The following EDIL3 variants were observed in gnomAD, a reference collection of about 807,000 sequenced individuals.
The protein encoded by EDIL3 is EGF like and discoidin domains 3, also known as EGF-like repeat and discoidin I-like domain-containing protein 3.
EDIL3 carries 37 observed loss-of-function variants against 67.4 expected under a neutral mutation model. That is an observed-to-expected ratio of 0.55 (90% CI 0.42 to 0.72). EDIL3 has a LOEUF of 0.72. Among genes scored for constraint, EDIL3 ranks in the 30% least tolerant of loss-of-function variants. EDIL3 has a pLI of 0.00. For missense variants in EDIL3, 527 were observed against 586.3 expected (o/e 0.90, Z 1.04); for synonymous variants, 195 against 196.3 (o/e 0.99, Z 0.05).
At position 84,064,924 on chromosome 5, in the gene EDIL3, T is replaced by C. The variant is rs542648660; in HGVS notation, c.808-80A>G. On this transcript the variant is annotated intron_variant, in intron 7 of 10. Transcript: ENST00000296591. ...ACATATTTACCCTATCTATACCTTA[T>C]CGAAAATAATTGTTCGAAGAACAGA... 7.0e-6 allele frequency: 10 copies of C among 1,431,150 alleles called. No homozygotes were observed. The African/African-American group carries it at 1.0e-4, about 14-fold the overall frequency. 88.7% of individuals were successfully genotyped at this position (1,431,150 alleles called of 1,614,324 possible).
intron 9 of EDIL3, among the ~76,000 whole-genome samples, chr5:83,966,375 A>G (rs1293320612): frequency 6.6e-6 from 1 of 152,076 alleles, no homozygotes; most frequent in African/African-American, 2.4e-5. Flanking sequence ...GAACCAGTTC[A>G]TGGCTATGAA....
intron 9 of EDIL3, among the ~76,000 whole-genome samples, chr5:84,035,044 A>T (rs1028556267): frequency 2.6e-5 from 4 of 152,084 alleles, no homozygotes; most frequent in African/African-American, 9.7e-5. Context: ...ATGTTTTTTT[A>T]AAATTGAGAT....
At chr5:84,062,505 T>A (rs1746564899) in intron 8 of EDIL3, among the ~76,000 whole-genome samples, 1 of 152,094 alleles carries the variant, frequency 6.6e-6, no homozygotes, top group Non-Finnish European at 1.5e-5. Flanking sequence ...TTATATCCAT[T>A]CTGTTGTCTA....
intron 1 of EDIL3, among the ~76,000 whole-genome samples, chr5:84,302,878 T>G (rs1047824569): frequency 2.6e-5 from 4 of 152,226 alleles, no homozygotes; most frequent in African/African-American, 9.6e-5. Flanking sequence ...GCAGAAATAG[T>G]AAAAATATTT....
At chr5:83,992,071 T>C (rs768426637) in intron 9 of EDIL3, among the ~76,000 whole-genome samples, 5 of 152,174 alleles carry the variant, frequency 3.3e-5, no homozygotes, top group Non-Finnish European at 7.4e-5. Context: ...GCCTTAGTTA[T>C]GGCCCATTTT....
At chr5:84,216,029 A>G (rs542278467) in intron 3 of EDIL3, among the ~76,000 whole-genome samples, 16 of 152,324 alleles carry the variant, frequency 1.1e-4, no homozygotes, top group African/African-American at 3.8e-4. Context: ...CTGGAGTACC[A>G]GCAAATCCAT....
chr5:84,119,815 CA>C (rs768751339), intron 5 of EDIL3, among the ~76,000 whole-genome samples: 25 of 151,938 alleles, frequency 1.6e-4, no homozygotes, highest in Non-Finnish European at 2.9e-4. Context: ...TTGAATTCCA[CA>C]AATGAGAGTA....
At chr5:84,371,184 AGT>A (rs1261688765) in intron 1 of EDIL3, among the ~76,000 whole-genome samples, 2 of 151,066 alleles carry the variant, frequency 1.3e-5, no homozygotes, top group South Asian at 2.1e-4. Flanking sequence ...TGTGTATGTA[AGT>A]GTGTGTGTGA....
At chr5:84,354,526 G>T (rs911732075) in intron 1 of EDIL3, among the ~76,000 whole-genome samples, 5 of 151,844 alleles carry the variant, frequency 3.3e-5, no homozygotes, top group Non-Finnish European at 7.4e-5. Flanking sequence ...GTATGGTGGT[G>T]CATGCCTGTA....
chr5:84,140,648 T>C (rs1748172195), intron 4 of EDIL3, among the ~76,000 whole-genome samples: 1 of 152,148 alleles, frequency 6.6e-6, no homozygotes, highest in South Asian at 2.1e-4. Context: ...GGAAATGCTT[T>C]GTAGACACAC....
intron 1 of EDIL3, among the ~76,000 whole-genome samples, chr5:84,263,766 T>C (rs1745283703): frequency 6.6e-6 from 1 of 152,152 alleles, no homozygotes; most frequent in Non-Finnish European, 1.5e-5. Context: ...ATGATGTAGG[T>C]GCTGATAGAA....
intron 1 of EDIL3, among the ~76,000 whole-genome samples, chr5:84,362,069 A>G (rs2112202024): frequency 6.6e-6 from 1 of 152,204 alleles, no homozygotes; most frequent in East Asian, 1.9e-4. Flanking sequence ...CAACTTCCCA[A>G]AAGAGCAGTA....
intron 8 of EDIL3, among the ~76,000 whole-genome samples, chr5:84,061,685 T>G (rs1322891069): frequency 6.6e-6 from 1 of 152,132 alleles, no homozygotes; most frequent in African/African-American, 2.4e-5. Context: ...CAAGGAAGTA[T>G]TCTAAGAAAT....
chr5:84,030,499 A>G (rs1166071643), intron 9 of EDIL3, among the ~76,000 whole-genome samples: 2 of 119,994 alleles, frequency 1.7e-5, no homozygotes. Context: ...CAGTTGGGAT[A>G]TGAAAAAATC....
intron 5 of EDIL3, among the ~76,000 whole-genome samples, chr5:84,125,480 T>C (rs930239700): frequency 6.6e-6 from 1 of 152,076 alleles, no homozygotes; most frequent in Admixed American, 6.6e-5. Context: ...GATAGCGTCA[T>C]ATATGTCCGG....
chr5:84,308,715 G>A (rs1374514806), intron 1 of EDIL3, among the ~76,000 whole-genome samples: 3 of 152,130 alleles, frequency 2.0e-5, no homozygotes, highest in African/African-American at 7.2e-5. Context: ...TGAACAAGAT[G>A]AGTCATAATG....
intron 9 of EDIL3, among the ~76,000 whole-genome samples, chr5:83,988,376 T>C (rs949853532): frequency 2.0e-5 from 3 of 152,182 alleles, no homozygotes; most frequent in East Asian, 1.9e-4. Context: ...TACATTTTCA[T>C]TTGAAATTTT....
intron 4 of EDIL3, among the ~76,000 whole-genome samples, chr5:84,170,142 G>C (rs1748788396): frequency 6.6e-6 from 1 of 152,210 alleles, no homozygotes; most frequent in African/African-American, 2.4e-5. Context: ...CTTTACAGGA[G>C]AAATGATATT....
chr5:84,117,035 T>TTA (rs1747680440), intron 5 of EDIL3, among the ~76,000 whole-genome samples: 6 of 139,422 alleles, frequency 4.3e-5, no homozygotes, highest in African/African-American at 1.3e-4. Context: ...TTTTTTTTTT[T>TTA]TTTTTTTTTT....
Sources: allele counts gnomAD v4.1 joint callset (sites outside exome capture counted in the v4.1 genomes callset), GRCh38; gene constraint gnomAD v4.1.1; transcripts MANE v1.5; gene names NCBI Gene and HGNC (gene_info 2026-07-23, HGNC 2026-07-21).